The following DNAJC15 variants were observed in gnomAD, a reference collection of about 807,000 sequenced individuals.
DNAJC15 encodes DnaJ heat shock protein family (Hsp40) member C15.
A neutral mutation model predicts 22.4 loss-of-function variants in DNAJC15; 27 were observed. That is an observed-to-expected ratio of 1.20 (90% CI 0.89 to 1.66). DNAJC15 has a LOEUF of 1.66. Ranked by LOEUF, DNAJC15 falls within the 40% of genes most tolerant of loss-of-function variation. The pLI, the probability that DNAJC15 is intolerant of heterozygous loss-of-function variation, is 0.00. For synonymous variants in DNAJC15, 79 were observed against 63.2 expected (o/e 1.25, Z -1.19); for missense variants, 208 against 187.1 (o/e 1.11, Z -0.65).
At chr13:43,092,303 T>C (rs2040718965) in intron 5 of DNAJC15, among the ~76,000 whole-genome samples, 1 of 152,122 alleles carries the variant, frequency 6.6e-6, no homozygotes, top group Non-Finnish European at 1.5e-5. Context: ...CACCTTTCCT[T>C]TGGTTAGTGT....
At chr13:43,038,025 T>G (rs933259520) in intron 1 of DNAJC15, among the ~76,000 whole-genome samples, 1 of 152,170 alleles carries the variant, frequency 6.6e-6, no homozygotes, top group African/African-American at 2.4e-5. Flanking sequence ...TACATGTGCC[T>G]TAATTTATTT....
chr13:43,043,318 G>T (rs2040462191), intron 1 of DNAJC15, among the ~76,000 whole-genome samples: 1 of 152,128 alleles, frequency 6.6e-6, no homozygotes, highest in African/African-American at 2.4e-5. Context: ...ATGTTGGCCA[G>T]ACTGGTCTCG....
chr13:43,041,984 G>A (rs2153439871), intron 1 of DNAJC15, among the ~76,000 whole-genome samples: 1 of 152,274 alleles, frequency 6.6e-6, no homozygotes, highest in African/African-American at 2.4e-5. Flanking sequence ...AAATAGGTAA[G>A]ACCATAACAC....
intron 5 of DNAJC15, among the ~76,000 whole-genome samples, chr13:43,088,505 A>C (rs1170700190): frequency 6.6e-6 from 1 of 152,194 alleles, no homozygotes; most frequent in Non-Finnish European, 1.5e-5. Flanking sequence ...TTTAGATGAA[A>C]TCTGCCTGCC....
At position 43,098,162 on chromosome 13, in the gene DNAJC15, A is replaced by G. The variant is rs77430058; in HGVS notation, c.383-9016A>G. Among the ~76,000 whole-genome samples the G allele has an allele frequency of 6.8e-3, 1,036 of 152,324 alleles. 9 individuals carry two copies. The highest frequency in any genetic ancestry group is 0.024 in the African/African-American group (985 of 41,580). ...TGTGAAGTCCCTCTTGTATGCCTCTATGAGGACAGAATTATGTTCACTGAG... is the reference window on the plus strand; with the variant it reads ...TGTGAAGTCCCTCTTGTATGCCTCTGTGAGGACAGAATTATGTTCACTGAG... On this transcript the variant is annotated intron_variant, in intron 5 of 5. Transcript: ENST00000379221.
At chr13:43,038,092 A>G (rs943089566) in intron 1 of DNAJC15, among the ~76,000 whole-genome samples, 16 of 152,244 alleles carry the variant, frequency 1.1e-4, no homozygotes, top group African/African-American at 3.9e-4. Flanking sequence ...TATTACAAAT[A>G]AAACACAGTG....
At chr13:43,045,342 A>G (rs905252229) in intron 1 of DNAJC15, among the ~76,000 whole-genome samples, 8 of 152,186 alleles carry the variant, frequency 5.3e-5, no homozygotes, top group African/African-American at 1.9e-4. Context: ...AAAACCTCTC[A>G]GACATCGAGT....
chr13:43,055,678 A>G lies in DNAJC15; in HGVS notation c.109-10008A>G, dbSNP rs534271422. ...TTTACTTATCTTTTCAAAGAACTGA[A>G]CCAGTTTTTGTTTCACTTTTGTTTT... On this transcript the variant is annotated intron_variant, in intron 1 of 5. Coordinates refer to ENST00000379221, the MANE Select transcript of DNAJC15 (RefSeq NM_013238.3). Among the ~76,000 whole-genome samples the G allele has an allele frequency of 7.2e-5, 11 of 152,222 alleles. 2 individuals are homozygous for G. In the East Asian group the frequency reaches 1.9e-3, roughly 27 times the overall value.
intron 4 of DNAJC15, among the ~76,000 whole-genome samples, chr13:43,082,762 C>A (rs2040667838): frequency 6.6e-6 from 1 of 151,802 alleles, no homozygotes; most frequent in Non-Finnish European, 1.5e-5. Context: ...ATTATGTGCT[C>A]AACTAAAACT....
At chr13:43,103,366 A>G (rs1020134686) in intron 5 of DNAJC15, among the ~76,000 whole-genome samples, 1 of 152,350 alleles carries the variant, frequency 6.6e-6, no homozygotes, top group East Asian at 1.9e-4. Context: ...AAGTATGTAT[A>G]TAAGATCCAG....
chr13:43,048,373 T>A (rs113530041), intron 1 of DNAJC15, among the ~76,000 whole-genome samples: 32,281 of 151,354 alleles, frequency 0.21, 3,599 homozygotes, highest in South Asian at 0.38. Context: ...ATGCCTGTAA[T>A]CCCAGCTACT....
chr13:43,071,029 A>G (rs1167463190), intron 3 of DNAJC15, among the ~76,000 whole-genome samples: 1 of 152,220 alleles, frequency 6.6e-6, no homozygotes, highest in Non-Finnish European at 1.5e-5. Flanking sequence ...TTTATAAATA[A>G]TAAATGGAAA....
intron 1 of DNAJC15, among the ~76,000 whole-genome samples, chr13:43,056,208 A>G (rs1002354770): frequency 2.0e-5 from 3 of 151,208 alleles, no homozygotes; most frequent in Non-Finnish European, 2.9e-5. Context: ...CTGAAGTGCA[A>G]TAGTGCAATC....
intron 1 of DNAJC15, among the ~76,000 whole-genome samples, chr13:43,029,771 A>G (rs924999581): frequency 6.6e-6 from 1 of 152,116 alleles, no homozygotes; most frequent in African/African-American, 2.4e-5. Context: ...CTTCTCTTTG[A>G]AATATGCCTT....
At chr13:43,073,516 A>G (rs1263055709) in intron 3 of DNAJC15, among the ~76,000 whole-genome samples, 2 of 152,182 alleles carry the variant, frequency 1.3e-5, no homozygotes, top group Non-Finnish European at 2.9e-5. Flanking sequence ...CTTATGCTCT[A>G]TATGAGTAGA....
chr13:43,065,755 T>TA lies in DNAJC15; in HGVS notation c.160+19dup, dbSNP rs1400830927. 3.7e-6 allele frequency: 6 copies of TA among 1,610,410 alleles called. No individual in the cohort carries two copies. The highest frequency in any genetic ancestry group is 5.1e-6 in the Non-Finnish European group (6 of 1,177,420). On this transcript the variant is annotated intron_variant, in intron 2 of 5. Coordinates refer to ENST00000379221, the MANE Select transcript of DNAJC15 (RefSeq NM_013238.3). ...ATTTGCAGGTAAGATAAAGAATACA[T>TA]ACCAATAAATTGCAGGAGAAATCTT...
chr13:43,024,133 A>G (rs2040366506), intron 1 of DNAJC15, among the ~76,000 whole-genome samples: 1 of 152,124 alleles, frequency 6.6e-6, no homozygotes, highest in Admixed American at 6.5e-5. Flanking sequence ...CTGAATGAAT[A>G]AAAACAGTCC....
At chr13:43,053,721 C>G (rs1166674771) in intron 1 of DNAJC15, among the ~76,000 whole-genome samples, 1 of 152,068 alleles carries the variant, frequency 6.6e-6, no homozygotes, top group Non-Finnish European at 1.5e-5. Flanking sequence ...AGGTTGGTCA[C>G]TGTTAGTGTA....
chr13:43,094,754 A>G (rs2040731530), intron 5 of DNAJC15, among the ~76,000 whole-genome samples: 1 of 152,084 alleles, frequency 6.6e-6, no homozygotes, highest in South Asian at 2.1e-4. Flanking sequence ...TGAGTCTACA[A>G]TTTTTGTCTT....
Sources: allele counts gnomAD v4.1 joint callset (sites outside exome capture counted in the v4.1 genomes callset), GRCh38; gene constraint gnomAD v4.1.1; transcripts MANE v1.5; gene names NCBI Gene and HGNC (gene_info 2026-07-23, HGNC 2026-07-21).